Variants in CSRNP3 observed in about 807,000 individuals in gnomAD.
The protein encoded by CSRNP3 is cysteine and serine rich nuclear protein 3.
A neutral mutation model predicts 48.0 loss-of-function variants in CSRNP3; 12 were observed. That is an observed-to-expected ratio of 0.25 (90% CI 0.16 to 0.41). The LOEUF is 0.41. CSRNP3 is among the 10% of genes least tolerant of loss of function. CSRNP3 has a pLI of 1.00. For synonymous variants in CSRNP3, 263 were observed against 269.7 expected, an observed-to-expected ratio of 0.98 and a Z score of 0.24; for missense variants, 580 against 724.4, an observed-to-expected ratio of 0.80 and a Z score of 2.29.
chr2:165,509,415 G>A (rs1684470039), intron 2 of CSRNP3, among the ~76,000 whole-genome samples: 1 of 152,078 alleles, frequency 6.6e-6, no homozygotes, highest in Non-Finnish European at 1.5e-5. Context: ...TGGATTCGAA[G>A]TTATTGTCAG....
At position 165,679,510 on chromosome 2, in the gene CSRNP3, C is replaced by T; in HGVS notation, c.1515C>T (p.Ser505=). 6.2e-7 allele frequency: 1 copy of T among 1,613,754 alleles called. No individual in the cohort carries two copies. The highest frequency in any genetic ancestry group is 1.1e-5 in the South Asian group (1 of 91,064). The change falls in exon 7 of 7, where the codon TCC becomes TCT. Residue 505 remains serine (S), a synonymous_variant. Coordinates refer to ENST00000651982, the MANE Select transcript of CSRNP3 (RefSeq NM_001172173.2). Reference sequence around the variant, plus strand: ...ACCCCTCTGTAATCGTTTGCTGCTCCTCTTCCGAAAATGATAGCGGTGTGC... The same window carrying T: ...ACCCCTCTGTAATCGTTTGCTGCTCTTCTTCCGAAAATGATAGCGGTGTGC... The part of the protein sequence containing the change: ...AANPSVIVCC[S]SSENDSGVPC...
At chr2:165,645,073 C>G (rs1314858534) in intron 4 of CSRNP3, among the ~76,000 whole-genome samples, 1 of 152,144 alleles carries the variant, frequency 6.6e-6, no homozygotes, top group Non-Finnish European at 1.5e-5. Context: ...GTGGCTCATA[C>G]TTGTAATTAC....
intron 2 of CSRNP3, among the ~76,000 whole-genome samples, chr2:165,515,575 T>A (rs1205292087): frequency 2.6e-5 from 4 of 151,496 alleles, no homozygotes; most frequent in Admixed American, 2.6e-4. Context: ...AATAGGCAGC[T>A]TGAACGAAAT....
chr2:165,672,778 T>G (rs1216720712), intron 5 of CSRNP3, among the ~76,000 whole-genome samples: 1 of 152,206 alleles, frequency 6.6e-6, no homozygotes, highest in Non-Finnish European at 1.5e-5. Context: ...AAATAATCTA[T>G]GTAGTGCTCT....
intron 5 of CSRNP3, among the ~76,000 whole-genome samples, chr2:165,666,061 AGAAAGAAAG>A (rs1687187397): frequency 5.2e-5 from 2 of 38,418 alleles, no homozygotes; most frequent in South Asian, 3.0e-3. Context: ...AGAGAGAGGA[AGAAAGAAAG>A]AGAGAGAGAG....
Position 165,684,885 on chromosome 2 carries a change from A to G in CSRNP3, c.*5132A>G, listed in dbSNP as rs1687606408. ...GAGCTAAGCCAGATCTTATTACATC[A>G]TAAAGACTAGAGTTACAAATGGCAG... On this transcript the variant is annotated 3_prime_UTR_variant, in exon 7 of 7. Coordinates refer to ENST00000651982, the MANE Select transcript of CSRNP3 (RefSeq NM_001172173.2). 6.6e-6 allele frequency: 1 copy of G among 152,032 alleles called. No homozygotes were observed. The highest frequency in any genetic ancestry group is 1.5e-5 in the Non-Finnish European group (1 of 67,952). The allele number at this position is 152,032 out of a possible 1,614,324, so 9.4% of individuals were successfully genotyped here.
intron 5 of CSRNP3, among the ~76,000 whole-genome samples, chr2:165,666,079 A>G (rs1687189286): frequency 1.6e-5 from 2 of 122,428 alleles, no homozygotes; most frequent in South Asian, 3.2e-4. Context: ...AGAGAGAGAG[A>G]GAAAGGAAGG....
At chr2:165,673,206 T>A (rs750217788) in intron 5 of CSRNP3, among the ~76,000 whole-genome samples, 1 of 134,420 alleles carries the variant, frequency 7.4e-6, no homozygotes, top group African/African-American at 2.7e-5. Flanking sequence ...GGTGCAATAT[T>A]GTCTCACTGC....
intron 6 of CSRNP3, among the ~76,000 whole-genome samples, chr2:165,677,388 C>T (rs1181012640): frequency 2.8e-4 from 42 of 152,156 alleles, no homozygotes; most frequent in Non-Finnish European, 5.9e-5. Flanking sequence ...TTACCAACCC[C>T]TGATGACTGG....
At chr2:165,478,020 A>AAG (rs1248623862) in intron 1 of CSRNP3, among the ~76,000 whole-genome samples, 1 of 151,470 alleles carries the variant, frequency 6.6e-6, no homozygotes. Flanking sequence ...AGAAAGAAAG[A>AAG]AGAGAGAGAG....
chr2:165,614,305 T>G (rs1258242489), intron 4 of CSRNP3, among the ~76,000 whole-genome samples: 1 of 152,170 alleles, frequency 6.6e-6, no homozygotes. Context: ...TACTCTTAAT[T>G]TATTTATCAG....
At chr2:165,580,306 T>C (rs903118219) in intron 3 of CSRNP3, among the ~76,000 whole-genome samples, 7 of 152,174 alleles carry the variant, frequency 4.6e-5, no homozygotes, top group Admixed American at 3.9e-4. Context: ...CCGTAGAACA[T>C]TTACTGAGAC....
chr2:165,625,634 A>AAAAAAAGAAAAG (rs201808080), intron 4 of CSRNP3, among the ~76,000 whole-genome samples: 56 of 151,404 alleles, frequency 3.7e-4, no homozygotes, highest in East Asian at 1.8e-3. Flanking sequence ...ATTCTGTCAA[A>AAAAAAAGAAAAG]AAAAAAGAAA....
chr2:165,471,399 A>G (rs1198497061), intron 1 of CSRNP3, among the ~76,000 whole-genome samples: 1 of 152,034 alleles, frequency 6.6e-6, no homozygotes, highest in African/African-American at 2.4e-5. Context: ...ATAAGACCAG[A>G]TATTCATCTC....
chr2:165,478,332 TA>T (rs5836041), intron 1 of CSRNP3, among the ~76,000 whole-genome samples: 36,571 of 152,108 alleles, frequency 0.24, 4,562 homozygotes, highest in East Asian at 0.38. Context: ...TTCAATTACA[TA>T]TGTGTTCATT....
intron 3 of CSRNP3, among the ~76,000 whole-genome samples, chr2:165,520,593 T>C (rs371732978): frequency 9.9e-5 from 15 of 151,674 alleles, no homozygotes; most frequent in Admixed American, 8.6e-4. Flanking sequence ...AAAAGGCAGG[T>C]ATTTTAAGCA....
At chr2:165,533,896 TGG>T (rs1171008774) in intron 3 of CSRNP3, among the ~76,000 whole-genome samples, 25 of 152,058 alleles carry the variant, frequency 1.6e-4, no homozygotes, top group Non-Finnish European at 1.8e-4. Flanking sequence ...TTTTTATAAA[TGG>T]GGAAATATAA....
chr2:165,669,822 T>G (rs951284700), intron 5 of CSRNP3, among the ~76,000 whole-genome samples: 1 of 152,104 alleles, frequency 6.6e-6, no homozygotes, highest in African/African-American at 2.4e-5. Context: ...CACTCACACA[T>G]GCCCACCCCA....
At chr2:165,577,451 A>T (rs555186348) in intron 3 of CSRNP3, among the ~76,000 whole-genome samples, 1 of 152,014 alleles carries the variant, frequency 6.6e-6, no homozygotes, top group South Asian at 2.1e-4. Flanking sequence ...TTTTCCAAGT[A>T]GCTAAAGTTT....
Sources: gnomAD v4.1 joint callset for allele counts (sites outside exome capture counted in the v4.1 genomes callset) on GRCh38, gnomAD v4.1.1 for gene constraint, MANE v1.5 for transcripts, NCBI Gene and HGNC (gene_info 2026-07-23, HGNC 2026-07-21) for gene names.